The following CAPN2 variants were observed in gnomAD, a reference collection of about 807,000 sequenced individuals.
The protein encoded by CAPN2 is calpain 2.
CAPN2 carries 92 observed loss-of-function variants against 102.3 expected under a neutral mutation model. That is an observed-to-expected ratio of 0.90 (90% CI 0.76 to 1.07). The LOEUF (loss-of-function observed/expected upper bound fraction) is 1.07. Ranked by LOEUF, CAPN2 falls within the 50% of genes least tolerant of loss-of-function variation. The pLI is 0.00. For synonymous variants in CAPN2, 340 were observed against 355.4 expected, an observed-to-expected ratio of 0.96 and a Z score of 0.49; for missense variants, 800 against 909.4, an observed-to-expected ratio of 0.88 and a Z score of 1.55.
chr1:223,712,645 CGG>C lies in CAPN2; in HGVS notation c.7_8del (p.Gly3HisfsTer81). 1 of 1,527,710 alleles carries C rather than the reference CGG, an allele frequency of 6.5e-7. No individual in the cohort carries two copies. 94.6% of individuals were successfully genotyped at this position (1,527,710 alleles called of 1,614,324 possible). A position where few individuals can be genotyped will look rare whatever the true frequency, so the allele number is the denominator to read the frequency against. ...TACGGCCGCCGGGACCGCAGCATGG[CGG>C]GCATCGCGGCCAAGCTGGCGAAGGA... On this transcript the variant is annotated frameshift_variant, in exon 1 of 21. Coordinates refer to ENST00000295006, the MANE Select transcript of CAPN2 (RefSeq NM_001748.5). LOFTEE classifies it high-confidence loss of function.
chr1:223,743,651 C>T (rs12066829), intron 2 of CAPN2, among the ~76,000 whole-genome samples: 35,694 of 151,860 alleles, frequency 0.24, 7,136 homozygotes, highest in African/African-American at 0.55. Flanking sequence ...TCCAGGTGTA[C>T]GCCACCACAC....
At chr1:223,772,319 C>T in intron 20 of CAPN2, 80 bp downstream of exon 20, 2 of 1,281,868 alleles carry the variant, frequency 1.6e-6, no homozygotes, top group Non-Finnish European at 1.1e-6. Context: ...GAGTGATCTG[C>T]TTTTTCAAGT....
rs1407672843 is a variant in CAPN2 at position 223,756,136 on chromosome 1, C to A, written c.1305+487C>A. 6.6e-6 allele frequency among the ~76,000 whole-genome samples: 1 copy of A among 152,154 alleles called. No homozygotes were observed. The highest frequency in any genetic ancestry group is 1.5e-5 in the Non-Finnish European group (1 of 68,026). On this transcript the variant is annotated intron_variant, in intron 10 of 20. Coordinates refer to ENST00000295006, the MANE Select transcript of CAPN2 (RefSeq NM_001748.5). The surrounding 1 kb of genome is among the most constrained non-coding windows in gnomAD (Gnocchi z 4.1). ...CCCCCCAGGGCTCTGATGGCTGGAG[C>A]CCAGATCCCTACACAGACTCCTGCT...
chr1:223,706,422 T>C (rs1659605640), intron 1 of CAPN2, among the ~76,000 whole-genome samples: 1 of 152,220 alleles, frequency 6.6e-6, no homozygotes, highest in Non-Finnish European at 1.5e-5. Flanking sequence ...TGCAGCCCTG[T>C]GGAATTCATA....
chr1:223,766,788 T>C (rs1216326678), intron 16 of CAPN2, among the ~76,000 whole-genome samples: 3 of 152,084 alleles, frequency 2.0e-5, no homozygotes, highest in South Asian at 2.1e-4. Flanking sequence ...GGTGAAACCT[T>C]GTCTCTACTA....
rs1216883420 is a variant in CAPN2 at position 223,754,873 on chromosome 1, C to T, written c.1136-607C>T. ...GGAGTCCCCCAGGCCAGCCGAGCCC[C>T]GCCCCAGGCTCCCCATCAGAGCCCA... On this transcript the variant is annotated intron_variant, in intron 9 of 20. Coordinates refer to ENST00000295006, the MANE Select transcript of CAPN2 (RefSeq NM_001748.5). This position sits in a 1 kb window ranked among gnomAD's most constrained non-coding sequence, Gnocchi z 4.7. Among the ~76,000 whole-genome samples the T allele has an allele frequency of 1.3e-5, 2 of 152,048 alleles. No homozygotes were observed. Among genetic ancestry groups the T allele is most frequent in the Non-Finnish European group, 2.9e-5 (2 of 68,012 alleles).
At chr1:223,734,804 T>C (rs968111317) in intron 2 of CAPN2, among the ~76,000 whole-genome samples, 1 of 152,212 alleles carries the variant, frequency 6.6e-6, no homozygotes, top group East Asian at 1.9e-4. Context: ...CTCAATGCTT[T>C]GCATATTTTT....
chr1:223,745,158 T>G, intron 3 of CAPN2, 148 bp from the exon 4 acceptor site: 2 of 964,866 alleles, frequency 2.1e-6, no homozygotes, highest in Non-Finnish European at 3.1e-6. Context: ...TTGGCCTGCA[T>G]AGGAGAGTTA....
intron 17 of CAPN2, 30 bp downstream of exon 17, chr1:223,769,939 T>C (rs2102816698): frequency 1.3e-6 from 2 of 1,522,054 alleles, no homozygotes; most frequent in African/African-American, 1.4e-5. Flanking sequence ...GGTGGATCTG[T>C]GTTGGGAAAC....
At chr1:223,752,748 C>T (rs1449565577) in intron 8 of CAPN2, 48 bp from the exon 9 acceptor site, 4 of 1,597,450 alleles carry the variant, frequency 2.5e-6, no homozygotes, top group Non-Finnish European at 3.4e-6. Flanking sequence ...TCAAGGCTTA[C>T]CAGTGTGTCT....
Position 223,770,561 on chromosome 1 carries a change from A to C in CAPN2, c.1903+36A>C, listed in dbSNP as rs776551569. On this transcript the variant is annotated intron_variant, in intron 18 of 20. Transcript: ENST00000295006. ...ATAACTGCATTTTCGTTCCTAGTTTAATCTGTCTGTAGAATATGTGAACAC... is the reference window on the plus strand; with the variant it reads ...ATAACTGCATTTTCGTTCCTAGTTTCATCTGTCTGTAGAATATGTGAACAC... 4 of 1,363,740 alleles carry C rather than the reference A, an allele frequency of 2.9e-6. No homozygotes were observed. In the South Asian group the frequency reaches 3.5e-5, roughly 12 times the overall value. 84.5% of individuals were successfully genotyped at this position (1,363,740 alleles called of 1,614,324 possible).
At chr1:223,746,900 G>C in intron 4 of CAPN2, 97 bp from the exon 5 acceptor site, 1 of 1,064,388 alleles carries the variant, frequency 9.4e-7, no homozygotes, top group Non-Finnish European at 1.3e-6. Flanking sequence ...GGGGTCCCTG[G>C]AGCATCAAAT....
chr1:223,764,115 G>T, intron 14 of CAPN2, 35 bp from the exon 15 acceptor site: 1 of 1,584,300 alleles, frequency 6.3e-7, no homozygotes, highest in Non-Finnish European at 8.7e-7. Flanking sequence ...CTCCCACGGG[G>T]GGCCAATAAC....
Position 223,755,596 on chromosome 1 carries a change from C to A in CAPN2, c.1252C>A (p.Arg418=), listed in dbSNP as rs375412773. The part of the protein sequence containing the change: ...LVGLIQKHRR[R]QRKMGEDMHT... ...GGGGCTCATTCAGAAGCACCGACGG[C>A]GGCAGAGGAAGATGGGCGAGGACAT... The change falls in exon 10 of 21, where the codon CGG becomes AGG. Residue 418 remains arginine (R), a synonymous_variant. Transcript: ENST00000295006. The surrounding 1 kb of genome is among the most constrained non-coding windows in gnomAD (Gnocchi z 4.1). 2 of 1,612,718 alleles carry A rather than the reference C, an allele frequency of 1.2e-6. No individual in the cohort carries two copies. Among genetic ancestry groups the A allele is most frequent in the Non-Finnish European group, 1.7e-6 (2 of 1,179,376 alleles).
Position 223,712,612 on chromosome 1 carries a change from C to T in CAPN2, c.-29C>T, listed in dbSNP as rs1372206249. On this transcript the variant is annotated 5_prime_UTR_variant, in exon 1 of 21. Coordinates refer to ENST00000295006, the MANE Select transcript of CAPN2 (RefSeq NM_001748.5). ...AGCGCGGAGTCGCCCCGACCTTTCT[C>T]TGCGCAGTACGGCCGCCGGGACCGC... is the stretch of plus-strand genomic sequence containing the variant. 5.3e-6 allele frequency: 8 copies of T among 1,496,744 alleles called. No individual in the cohort carries two copies. The highest frequency in any genetic ancestry group is 5.3e-6 in the Non-Finnish European group (6 of 1,122,392). 92.7% of individuals were successfully genotyped at this position (1,496,744 alleles called of 1,614,324 possible).
chr1:223,702,659 C>G (rs909363018), intron 1 of CAPN2, among the ~76,000 whole-genome samples: 3 of 152,144 alleles, frequency 2.0e-5, no homozygotes, highest in Non-Finnish European at 4.4e-5. Context: ...TAGGACATAA[C>G]CCACCTCCCA....
upstream of CAPN2, among the ~76,000 whole-genome samples, chr1:223,711,633 T>C (rs1371248547): frequency 2.0e-5 from 3 of 152,258 alleles, no homozygotes; most frequent in African/African-American, 7.2e-5. Context: ...ATTTTTGATA[T>C]GGAGTTTCGC....
Position 223,723,476 on chromosome 1 carries a change from C to T in CAPN2, c.307+5645C>T, listed in dbSNP as rs566989840. On this transcript the variant is annotated intron_variant, in intron 2 of 20. Transcript: ENST00000295006. Reference sequence around the variant, plus strand: ...GTCCCAGCACCCCCCTTACCAGCCTCCCAGGGCACTGTCCATGGCTACATT... The same window carrying T: ...GTCCCAGCACCCCCCTTACCAGCCTTCCAGGGCACTGTCCATGGCTACATT... Among the ~76,000 whole-genome samples the T allele has an allele frequency of 2.0e-5, 3 of 152,294 alleles. No individual in the cohort carries two copies. In the East Asian group the frequency reaches 5.8e-4, roughly 29 times the overall value.
In CAPN2 at chr1:223,761,567, C is replaced by T. The variant is rs1341806273; in HGVS notation, c.1530-14C>T. Reference sequence around the variant, plus strand: ...CCTGCCTTCCAGTAACACATAATTTCCTTCTATTTCCAGAGCTGTCGATGA... The same window carrying T: ...CCTGCCTTCCAGTAACACATAATTTTCTTCTATTTCCAGAGCTGTCGATGA... On this transcript the variant is annotated splice_polypyrimidine_tract_variant and intron_variant, in intron 12 of 20. Transcript: ENST00000295006. 1 of 1,610,056 alleles carries T rather than the reference C, an allele frequency of 6.2e-7. No homozygotes were observed. The highest frequency in any genetic ancestry group is 1.1e-5 in the South Asian group (1 of 90,736).
Sources: allele counts gnomAD v4.1 joint callset (sites outside exome capture counted in the v4.1 genomes callset), GRCh38; gene constraint gnomAD v4.1.1; non-coding constraint Gnocchi (gnomAD v3.1); transcripts MANE v1.5; gene names NCBI Gene and HGNC (gene_info 2026-07-23, HGNC 2026-07-21).